PIGX: variants seen among roughly 807,000 people sequenced by gnomAD.
PIGX encodes the protein GPI alpha-1,4-mannosyltransferase I, stabilizing subunit.
Under a neutral mutation model 28.7 loss-of-function variants are expected in PIGX, and 24 were observed. The ratio of observed to expected loss-of-function variants is 0.84; its 90% CI spans 0.60 to 1.17. The LOEUF (loss-of-function observed/expected upper bound fraction) is 1.17. Ranked by LOEUF, PIGX falls within the 50% of genes most tolerant of loss-of-function variation. PIGX has a pLI of 0.00. For missense variants in PIGX, 305 were observed against 317.8 expected, an observed-to-expected ratio of 0.96 and a Z score of 0.31; for synonymous variants, 127 against 121.0, an observed-to-expected ratio of 1.05 and a Z score of -0.33.
At chr3:196,732,362 A>G (rs1461943378) in intron 5 of PIGX, among the ~76,000 whole-genome samples, 4 of 143,380 alleles carry the variant, frequency 2.8e-5, no homozygotes, top group Non-Finnish European at 6.1e-5. Flanking sequence ...GCTCACCACA[A>G]CCTCCGCCTC....
In PIGX at chr3:196,728,258, GTATT is replaced by G. The variant is rs148439613; in HGVS notation, c.532+128_532+131del. 5.0e-3 allele frequency: 3,353 copies of G among 669,950 alleles called. 70 individuals are homozygous for G. In the African/African-American group the frequency reaches 0.054, roughly 11 times the overall value. The allele number at this position is 669,950 out of a possible 1,614,324, so 41.5% of individuals were successfully genotyped here. ...CTTGACCTAGGTGGTAGTTACAAGGGTATTTATTTGCCTTATAATAATTCACTAA... is the reference window on the plus strand; with the variant it reads ...CTTGACCTAGGTGGTAGTTACAAGGGTATTTGCCTTATAATAATTCACTAA... On this transcript the variant is annotated intron_variant, in intron 4 of 5. Coordinates refer to ENST00000392391, the MANE Select transcript of PIGX (RefSeq NM_017861.4).
At position 196,728,016 on chromosome 3, in the gene PIGX, T is replaced by G; in HGVS notation, c.412T>G (p.Cys138Gly). The change falls in exon 4 of 6, where the codon TGC (cysteine) becomes GGC (glycine). Residue 138 changes from cysteine (C) to glycine (G), a missense_variant. Transcript: ENST00000392391. ...CATTTATGCCAGACGAGATTCACAGTGCATTGACTGTTTTCAAGCCTTTTT... is the reference window on the plus strand; with the variant it reads ...CATTTATGCCAGACGAGATTCACAGGGCATTGACTGTTTTCAAGCCTTTTT... The G allele has an allele frequency of 6.2e-7, 1 of 1,614,056 alleles. No individual in the cohort carries two copies. Among genetic ancestry groups the G allele is most frequent in the East Asian group, 2.2e-5 (1 of 44,886 alleles).
intron 1 of PIGX, 23 bp downstream of exon 1, chr3:196,712,667 G>A: frequency 8.4e-7 from 1 of 1,183,686 alleles, no homozygotes; most frequent in Non-Finnish European, 1.0e-6. Context: ...GGGCTTGGGG[G>A]GCCAGAGCGT....
chr3:196,722,885 C>T (rs576031784), intron 3 of PIGX, among the ~76,000 whole-genome samples: 8 of 152,338 alleles, frequency 5.3e-5, no homozygotes, highest in African/African-American at 9.6e-5. Context: ...TATACCCCAA[C>T]ATCTGGGTAA....
At position 196,728,059 on chromosome 3, in the gene PIGX, A is replaced by G. The variant is rs761446381; in HGVS notation, c.455A>G (p.Tyr152Cys). ...GCCTTTTTGCCTGTGCACTGCCGCTATCATCGGCCGCACAGTGAAGATGGA... is the reference window on the plus strand; with the variant it reads ...GCCTTTTTGCCTGTGCACTGCCGCTGTCATCGGCCGCACAGTGAAGATGGA... Residue 152 changes from tyrosine (Y) to cysteine (C), a missense_variant, in exon 4 of 6, where the codon TAT becomes TGT. Coordinates refer to ENST00000392391, the MANE Select transcript of PIGX (RefSeq NM_017861.4). 6 of 1,613,994 alleles carry G rather than the reference A, an allele frequency of 3.7e-6. No individual in the cohort carries two copies. The highest frequency in any genetic ancestry group is 2.7e-5 in the African/African-American group (2 of 74,904).
chr3:196,729,634 G>A (rs555113734), intron 4 of PIGX, among the ~76,000 whole-genome samples: 6 of 151,194 alleles, frequency 4.0e-5, no homozygotes, highest in African/African-American at 1.2e-4. Context: ...TGATCCACCC[G>A]CCTCGGCCTC....
rs762652704 is a variant in PIGX, at chr3:196,728,793, T to C, written c.532+657T>C. ...TTCTCTTCTCAGTAGCCATTTAATA[T>C]TAGTAGGCATGTACTATGTGTTTCT... On this transcript the variant is annotated intron_variant, in intron 4 of 5. Transcript: ENST00000392391. The C allele has an allele frequency of 3.9e-6, 3 of 766,328 alleles. No individual in the cohort carries two copies. The Admixed American group carries it at 5.1e-5, about 13-fold the overall frequency. The allele number at this position is 766,328 out of a possible 1,614,324, so 47.5% of individuals were successfully genotyped here.
intron 5 of PIGX, among the ~76,000 whole-genome samples, chr3:196,731,859 C>G (rs1211099928): frequency 6.6e-6 from 1 of 152,040 alleles, no homozygotes; most frequent in Non-Finnish European, 1.5e-5. Flanking sequence ...CAGAGTCTCG[C>G]TCTGTTGCCC....
chr3:196,717,415 G>A (rs1399919830), intron 2 of PIGX, among the ~76,000 whole-genome samples: 2 of 152,076 alleles, frequency 1.3e-5, no homozygotes, highest in East Asian at 3.9e-4. Flanking sequence ...AAACAAGTAT[G>A]TATTGTTTAC....
chr3:196,727,116 GTTTTGCATGGA>G (rs1471998845), intron 3 of PIGX, among the ~76,000 whole-genome samples: 1 of 152,130 alleles, frequency 6.6e-6, no homozygotes, highest in Non-Finnish European at 1.5e-5. Flanking sequence ...GCATACCAGG[GTTTTGCATGGA>G]CAATCTAAAG....
chr3:196,717,500 G>A (rs1293879115), intron 2 of PIGX, among the ~76,000 whole-genome samples: 1 of 152,106 alleles, frequency 6.6e-6, no homozygotes, highest in African/African-American at 2.4e-5. Flanking sequence ...AAAGTCCTCA[G>A]ATGCTCAAGT....
At chr3:196,722,685 T>C in intron 3 of PIGX, 129 bp downstream of exon 3, 1 of 806,574 alleles carries the variant, frequency 1.2e-6, no homozygotes, top group Non-Finnish European at 2.1e-6. Context: ...AGAGATAGAC[T>C]GGGCATAGTC....
At chr3:196,723,457 G>C (rs1279483485) in intron 3 of PIGX, among the ~76,000 whole-genome samples, 1 of 152,186 alleles carries the variant, frequency 6.6e-6, no homozygotes, top group Non-Finnish European at 1.5e-5. Context: ...TGTTGCCCTT[G>C]TTGGACCTGA....
intron 3 of PIGX, among the ~76,000 whole-genome samples, chr3:196,725,749 C>T (rs1400864663): frequency 2.0e-5 from 3 of 152,140 alleles, no homozygotes; most frequent in African/African-American, 2.4e-5. Flanking sequence ...AGTAGTACCT[C>T]GTCCCAGCAA....
At position 196,733,884 on chromosome 3, in the gene PIGX, T is replaced by C. The variant is rs767678499; in HGVS notation, c.759T>C (p.Tyr253=). ...TGATCCTTGTAGCAGTTTTCAAATA[T>C]GGCCATTTTTCCCTATAAGTTTTAT... The change falls in exon 6 of 6, where the codon TAT becomes TAC. Residue 253 remains tyrosine (Y), a synonymous_variant. Transcript: ENST00000392391. The surrounding 1 kb of genome is among the most constrained non-coding windows in gnomAD (Gnocchi z 4.3). 3 of 1,603,760 alleles carry C rather than the reference T, an allele frequency of 1.9e-6. No homozygotes were observed. The highest frequency in any genetic ancestry group is 1.1e-5 in the South Asian group (1 of 90,838).
chr3:196,731,165 C>A, intron 5 of PIGX, 73 bp downstream of exon 5: 20 of 766,284 alleles, frequency 2.6e-5, no homozygotes, highest in Non-Finnish European at 3.9e-5. Flanking sequence ...GTTCCTGCCA[C>A]ATTTAAGAGA....
At chr3:196,726,623 C>T (rs1577676897) in intron 3 of PIGX, 1 of 454,088 alleles carries the variant, frequency 2.2e-6, no homozygotes, top group South Asian at 1.6e-5. Context: ...GTCATGAGAA[C>T]CCAGGAGAAC....
At chr3:196,730,747 CAAAA>C (rs965830812) in intron 4 of PIGX, among the ~76,000 whole-genome samples, 59 of 40,736 alleles carry the variant, frequency 1.4e-3, no homozygotes, top group African/African-American at 4.4e-3. Flanking sequence ...GACTCTGTCT[CAAAA>C]AAAAAAAAAA....
chr3:196,722,573 AT>A lies in PIGX; in HGVS notation c.318+23del. 2 of 1,603,580 alleles carry A rather than the reference AT, an allele frequency of 1.2e-6. No individual in the cohort carries two copies. The highest frequency in any genetic ancestry group is 1.3e-5 in the African/African-American group (1 of 74,484). On this transcript the variant is annotated intron_variant, in intron 3 of 5. Coordinates refer to ENST00000392391, the MANE Select transcript of PIGX (RefSeq NM_017861.4). ...ATAACAGAGGTACAGTTATTAGGGG[AT>A]TTTTTGGGAGAGAAATTAATTTAGG...
Sources: allele counts gnomAD v4.1 joint callset (sites outside exome capture counted in the v4.1 genomes callset), GRCh38; gene constraint gnomAD v4.1.1; non-coding constraint Gnocchi (gnomAD v3.1); transcripts MANE v1.5; gene names NCBI Gene and HGNC (gene_info 2026-07-23, HGNC 2026-07-21).